Variants in MARCHF1 observed in about 807,000 individuals in gnomAD.
MARCHF1 encodes the protein E3 ubiquitin-protein ligase MARCHF1.
MARCHF1 carries 40 observed loss-of-function variants against 54.2 expected under a neutral mutation model. The ratio of observed to expected loss-of-function variants is 0.74; its 90% CI spans 0.57 to 0.96. MARCHF1 has a LOEUF of 0.96. Among genes scored for constraint, MARCHF1 ranks in the 40% least tolerant of loss-of-function variants. The pLI is 0.00. For synonymous variants in MARCHF1, 236 were observed against 236.3 expected, an observed-to-expected ratio of 1.00 and a Z score of 0.01; for missense variants, 586 against 656.5, an observed-to-expected ratio of 0.89 and a Z score of 1.17.
intron 8 of MARCHF1, among the ~76,000 whole-genome samples, chr4:163,550,227 G>C (rs183503677): frequency 0.019 from 2,789 of 149,948 alleles, 88 homozygotes; most frequent in African/African-American, 0.066. Flanking sequence ...GATTGCAGTG[G>C]GCCGAGATCG....
chr4:163,822,981 T>C (rs1395749980), intron 4 of MARCHF1, among the ~76,000 whole-genome samples: 1 of 151,836 alleles, frequency 6.6e-6, no homozygotes, highest in Non-Finnish European at 1.5e-5. Context: ...CCTCCTCTCT[T>C]TTCCACACGC....
chr4:163,966,638 G>A (rs1752449623), intron 3 of MARCHF1, among the ~76,000 whole-genome samples: 1 of 152,062 alleles, frequency 6.6e-6, no homozygotes, highest in Non-Finnish European at 1.5e-5. Flanking sequence ...CATATGTCAG[G>A]CACTGTCCTA....
chr4:163,734,547 C>A (rs1256787259), intron 4 of MARCHF1, among the ~76,000 whole-genome samples: 53 of 145,380 alleles, frequency 3.6e-4, no homozygotes, highest in Non-Finnish European at 6.3e-4. Flanking sequence ...AAAGCTAGAC[C>A]AAAAAAAGAA....
chr4:164,222,252 A>C (rs1361690308), intron 1 of MARCHF1, among the ~76,000 whole-genome samples: 2 of 150,658 alleles, frequency 1.3e-5, no homozygotes, highest in African/African-American at 4.9e-5. Context: ...AACAATTGAT[A>C]TTTTTAGGAT....
intron 2 of MARCHF1, among the ~76,000 whole-genome samples, chr4:164,029,349 A>G (rs1353464288): frequency 1.3e-5 from 2 of 151,966 alleles, no homozygotes; most frequent in Admixed American, 6.6e-5. Context: ...GGAAGGTGCC[A>G]CACAATTTTA....
At chr4:164,047,057 G>A (rs1488501276) in intron 2 of MARCHF1, among the ~76,000 whole-genome samples, 3 of 152,150 alleles carry the variant, frequency 2.0e-5, no homozygotes, top group Admixed American at 6.6e-5. Flanking sequence ...GTGTCATTAT[G>A]TATAAATACT....
At chr4:163,533,076 A>C (rs1342533278) in intron 9 of MARCHF1, among the ~76,000 whole-genome samples, 1 of 152,032 alleles carries the variant, frequency 6.6e-6, no homozygotes, top group Non-Finnish European at 1.5e-5. Flanking sequence ...AGCTTTATTC[A>C]TATATTTGTT....
intron 1 of MARCHF1, among the ~76,000 whole-genome samples, chr4:164,357,132 A>G (rs933228245): frequency 4.0e-5 from 6 of 151,826 alleles, no homozygotes; most frequent in African/African-American, 1.5e-4. Context: ...AAAAAAAAAT[A>G]AATAAAAATT....
intron 1 of MARCHF1, among the ~76,000 whole-genome samples, chr4:164,356,091 G>T (rs1730523053): frequency 7.4e-6 from 1 of 134,648 alleles, no homozygotes; most frequent in Admixed American, 7.4e-5. Context: ...AGTTAGAATG[G>T]CAATCATTAA....
intron 5 of MARCHF1, among the ~76,000 whole-genome samples, chr4:163,658,649 A>G (rs1743234512): frequency 6.6e-6 from 1 of 152,008 alleles, no homozygotes; most frequent in African/African-American, 2.4e-5. Flanking sequence ...AGAGACATGG[A>G]TGGAGCTGGA....
At chr4:164,366,026 A>C (rs1008359064) in intron 1 of MARCHF1, among the ~76,000 whole-genome samples, 1 of 151,922 alleles carries the variant, frequency 6.6e-6, no homozygotes, top group Non-Finnish European at 1.5e-5. Context: ...AAGTTGCAAG[A>C]CTCTCTGTGT....
chr4:164,288,384 A>G (rs559274483), intron 1 of MARCHF1, among the ~76,000 whole-genome samples: 32 of 152,208 alleles, frequency 2.1e-4, no homozygotes, highest in African/African-American at 7.7e-4. Flanking sequence ...AAAAGAAAGG[A>G]ATGGTGGCTG....
intron 2 of MARCHF1, among the ~76,000 whole-genome samples, chr4:164,097,234 T>C (rs530388038): frequency 2.6e-5 from 4 of 152,270 alleles, no homozygotes; most frequent in African/African-American, 4.8e-5. Context: ...CCAAGAAAGA[T>C]TGTGACACCA....
intron 1 of MARCHF1, among the ~76,000 whole-genome samples, chr4:164,346,409 T>C (rs1289924227): frequency 2.6e-5 from 4 of 152,034 alleles, no homozygotes; most frequent in Admixed American, 2.6e-4. Flanking sequence ...TACAATCCAC[T>C]GTTTATTGAA....
chr4:164,168,657 G>A (rs935669624), intron 1 of MARCHF1, among the ~76,000 whole-genome samples: 4 of 139,512 alleles, frequency 2.9e-5, no homozygotes, highest in African/African-American at 1.2e-4. Context: ...TCACTTTTAT[G>A]TGGAATACAC....
intron 4 of MARCHF1, among the ~76,000 whole-genome samples, chr4:163,725,989 T>G (rs1579231907): frequency 2.3e-5 from 1 of 42,580 alleles, no homozygotes; most frequent in Non-Finnish European, 5.3e-5. Flanking sequence ...ACCTTTACCA[T>G]TTTTTTCTTT....
chr4:163,857,338 T>C (rs1177806017), intron 3 of MARCHF1, among the ~76,000 whole-genome samples: 1 of 152,172 alleles, frequency 6.6e-6, no homozygotes, highest in African/African-American at 2.4e-5. Flanking sequence ...GCTGAGCCTC[T>C]GTAGACCAGC....
At chr4:163,930,003 TATA>T (rs1751635027) in intron 3 of MARCHF1, among the ~76,000 whole-genome samples, 1 of 132,990 alleles carries the variant, frequency 7.5e-6, no homozygotes, top group Non-Finnish European at 1.6e-5. Flanking sequence ...ATATATTATA[TATA>T]AATATATTAT....
At chr4:164,176,507 C>A in intron 1 of MARCHF1, among the ~76,000 whole-genome samples, 1 of 152,100 alleles carries the variant, frequency 6.6e-6, no homozygotes, top group Non-Finnish European at 1.5e-5. Context: ...AACCCCTTAG[C>A]AATCCTAATA....
Sources: allele counts gnomAD v4.1 joint callset (sites outside exome capture counted in the v4.1 genomes callset), GRCh38; gene constraint gnomAD v4.1.1; transcripts MANE v1.5; gene names NCBI Gene and HGNC (gene_info 2026-07-23, HGNC 2026-07-21).